Variants in ADGRB3 observed in about 807,000 individuals in gnomAD.
The protein encoded by ADGRB3 is brain-specific angiogenesis inhibitor 3.
ADGRB3 carries 37 observed loss-of-function variants against 193.4 expected under a neutral mutation model. That is an observed-to-expected ratio of 0.19 (90% CI 0.15 to 0.25). The LOEUF is 0.25. Ranked by LOEUF, ADGRB3 falls within the 10% of genes least tolerant of loss-of-function variation. The probability of loss-of-function intolerance (pLI) is 1.00; values close to 1 mark genes in which losing one functional copy is unlikely to be tolerated. For synonymous variants in ADGRB3, 690 were observed against 644.2 expected (o/e 1.07, Z -1.08); for missense variants, 1,637 against 1,852.9 (o/e 0.88, Z 2.14).
intron 3 of ADGRB3, among the ~76,000 whole-genome samples, chr6:68,640,282 G>T (rs1211299954): frequency 6.6e-6 from 1 of 152,196 alleles, no homozygotes; most frequent in Admixed American, 6.5e-5. Context: ...GAAAGGAGGG[G>T]GAGGAAGTGC....
At chr6:69,016,753 G>A (rs1191584371) in intron 12 of ADGRB3, among the ~76,000 whole-genome samples, 3 of 151,786 alleles carry the variant, frequency 2.0e-5, no homozygotes, top group Non-Finnish European at 4.4e-5. Flanking sequence ...GACATGCATT[G>A]CAAAGAGAAA....
intron 13 of ADGRB3, among the ~76,000 whole-genome samples, chr6:69,042,649 C>T (rs1771106183): frequency 6.6e-6 from 1 of 152,200 alleles, no homozygotes; most frequent in African/African-American, 2.4e-5. Flanking sequence ...ATGCATCGTT[C>T]TCTCCTGACC....
chr6:69,038,444 T>C (rs77054420), intron 13 of ADGRB3, among the ~76,000 whole-genome samples: 9 of 149,626 alleles, frequency 6.0e-5, no homozygotes, highest in African/African-American at 2.2e-4. Flanking sequence ...AGGAATGCTG[T>C]TCTTAGTCTT....
chr6:68,764,303 A>G (rs1766467844), intron 3 of ADGRB3, among the ~76,000 whole-genome samples: 1 of 152,222 alleles, frequency 6.6e-6, no homozygotes, highest in South Asian at 2.1e-4. Context: ...ATGATGATTG[A>G]TACCATTGAT....
At chr6:69,134,891 A>C (rs1461907780) in intron 17 of ADGRB3, among the ~76,000 whole-genome samples, 1 of 152,074 alleles carries the variant, frequency 6.6e-6, no homozygotes, top group Non-Finnish European at 1.5e-5. Context: ...ATCTCCATAG[A>C]ATACAGTAAG....
At chr6:69,231,055 T>G (rs1321832682) in intron 17 of ADGRB3, among the ~76,000 whole-genome samples, 1 of 152,100 alleles carries the variant, frequency 6.6e-6, no homozygotes, top group Non-Finnish European at 1.5e-5. Flanking sequence ...GACTAAAACA[T>G]GAACATCGGC....
At chr6:68,637,795 G>A (rs1425690566) in intron 2 of ADGRB3, among the ~76,000 whole-genome samples, 1 of 116,456 alleles carries the variant, frequency 8.6e-6, no homozygotes, top group Non-Finnish European at 1.8e-5. Context: ...AATTACTATG[G>A]TTCTGGATTT....
At position 69,131,661 on chromosome 6, in the gene ADGRB3, T is replaced by A. The variant is rs553814318; in HGVS notation, c.2480+55623T>A. ...TTTAATAATACTTTAAGTTCTGGGA[T>A]ACATGTGCCAAACATGCAGGTTTGT... is the stretch of plus-strand genomic sequence containing the variant. On this transcript the variant is annotated intron_variant, in intron 17 of 31. Transcript: ENST00000370598. Among the ~76,000 whole-genome samples the A allele has an allele frequency of 8.5e-4, 129 of 152,226 alleles. 1 individual carries two copies. The highest frequency in any genetic ancestry group is 3.0e-3 in the African/African-American group (124 of 41,526).
chr6:68,790,306 A>T (rs984935557), intron 3 of ADGRB3, among the ~76,000 whole-genome samples: 3 of 152,116 alleles, frequency 2.0e-5, no homozygotes, highest in African/African-American at 7.2e-5. Context: ...GTTTAGGTAA[A>T]CAAAGTGGCC....
chr6:69,328,517 T>C (rs1768633476), intron 22 of ADGRB3, among the ~76,000 whole-genome samples: 1 of 152,192 alleles, frequency 6.6e-6, no homozygotes, highest in Admixed American at 6.5e-5. Context: ...TTTTATTTTA[T>C]CTGCATCCAA....
chr6:68,918,467 A>C, intron 3 of ADGRB3, among the ~76,000 whole-genome samples: 1 of 152,208 alleles, frequency 6.6e-6, no homozygotes, highest in East Asian at 1.9e-4. Context: ...CTAATATGCA[A>C]TACCCAGATA....
chr6:68,681,946 G>A (rs1279805715), intron 3 of ADGRB3, among the ~76,000 whole-genome samples: 1 of 152,138 alleles, frequency 6.6e-6, no homozygotes, highest in African/African-American at 2.4e-5. Flanking sequence ...AATACTATAA[G>A]TAAAGAGCAA....
At chr6:69,014,585 T>C (rs1369972925) in intron 12 of ADGRB3, among the ~76,000 whole-genome samples, 1 of 152,012 alleles carries the variant, frequency 6.6e-6, no homozygotes, top group Non-Finnish European at 1.5e-5. Context: ...TAAAAATCTT[T>C]TTGTTATGCT....
At chr6:68,933,000 CATTT>C (rs1767384589) in intron 4 of ADGRB3, among the ~76,000 whole-genome samples, 6 of 149,916 alleles carry the variant, frequency 4.0e-5, no homozygotes, top group African/African-American at 1.5e-4. Context: ...AAAAGAGTAA[CATTT>C]GATAAAGTAG....
chr6:69,130,949 A>T (rs561887308), intron 17 of ADGRB3, among the ~76,000 whole-genome samples: 1 of 152,218 alleles, frequency 6.6e-6, no homozygotes, highest in East Asian at 1.9e-4. Context: ...GATGAAAGAC[A>T]TAGGGGTTTT....
At chr6:69,101,390 T>C (rs1773050351) in intron 17 of ADGRB3, among the ~76,000 whole-genome samples, 1 of 151,832 alleles carries the variant, frequency 6.6e-6, no homozygotes, top group Admixed American at 6.6e-5. Context: ...AGAAATGGAG[T>C]ACTATTAAGG....
At chr6:68,867,565 C>CTAT (rs1765331517) in intron 3 of ADGRB3, among the ~76,000 whole-genome samples, 1 of 152,054 alleles carries the variant, frequency 6.6e-6, no homozygotes, top group Non-Finnish European at 1.5e-5. Context: ...ACAAAGAAGC[C>CTAT]ACCATTCTCC....
At chr6:68,735,758 A>ATTTT (rs1171693685) in intron 3 of ADGRB3, among the ~76,000 whole-genome samples, 1 of 152,088 alleles carries the variant, frequency 6.6e-6, no homozygotes, top group Non-Finnish European at 1.5e-5. Flanking sequence ...ATAGAGAAAA[A>ATTTT]GAACTCAAGA....
chr6:69,102,326 A>T (rs1489659102), intron 17 of ADGRB3, among the ~76,000 whole-genome samples: 1 of 152,184 alleles, frequency 6.6e-6, no homozygotes, highest in Non-Finnish European at 1.5e-5. Flanking sequence ...ATTTTCTGAA[A>T]TTTTTATAAA....
Sources: gnomAD v4.1 joint callset for allele counts (sites outside exome capture counted in the v4.1 genomes callset) on GRCh38, gnomAD v4.1.1 for gene constraint, MANE v1.5 for transcripts, NCBI Gene and HGNC (gene_info 2026-07-23, HGNC 2026-07-21) for gene names.